The following ACVR1C variants were observed in gnomAD, a reference collection of about 807,000 sequenced individuals.
ACVR1C encodes activin A receptor type 1C.
A neutral mutation model predicts 57.9 loss-of-function variants in ACVR1C; 23 were observed. The observed-to-expected ratio is 0.40, with a 90% CI of 0.29 to 0.56. ACVR1C has a LOEUF of 0.56. Ranked by LOEUF, ACVR1C falls within the 20% of genes least tolerant of loss-of-function variation. The pLI is 0.50. For missense variants in ACVR1C, 480 were observed against 607.9 expected, an observed-to-expected ratio of 0.79 and a Z score of 2.21; for synonymous variants, 214 against 215.3, an observed-to-expected ratio of 0.99 and a Z score of 0.05.
intron 2 of ACVR1C, among the ~76,000 whole-genome samples, chr2:157,586,950 C>T (rs1688936454): frequency 2.0e-5 from 3 of 152,218 alleles, no homozygotes; most frequent in South Asian, 2.1e-4. Context: ...ATACAATTCA[C>T]GTGGACAAAT....
intron 1 of ACVR1C, among the ~76,000 whole-genome samples, chr2:157,615,194 C>T (rs576521688): frequency 2.0e-5 from 3 of 151,698 alleles, no homozygotes; most frequent in Admixed American, 1.3e-4. Flanking sequence ...CAGCTGGGCA[C>T]AGTGGTTCAT....
chr2:157,565,468 G>A (rs1043838864), intron 2 of ACVR1C, among the ~76,000 whole-genome samples: 2 of 151,896 alleles, frequency 1.3e-5, no homozygotes, highest in Non-Finnish European at 2.9e-5. Flanking sequence ...CCTCCAACAT[G>A]CTCCATTTGC....
At chr2:157,577,890 T>G (rs1487728429) in intron 2 of ACVR1C, among the ~76,000 whole-genome samples, 1 of 152,136 alleles carries the variant, frequency 6.6e-6, no homozygotes, top group African/African-American at 2.4e-5. Flanking sequence ...TGTTTTTGTT[T>G]TTGTTTTGGA....
intron 2 of ACVR1C, among the ~76,000 whole-genome samples, chr2:157,584,803 A>G (rs192581677): frequency 6.6e-6 from 1 of 152,350 alleles, no homozygotes; most frequent in Admixed American, 6.5e-5. Context: ...AGCTTTGCGA[A>G]TAACAGCCCC....
At chr2:157,613,591 T>C (rs1016550380) in intron 1 of ACVR1C, among the ~76,000 whole-genome samples, 2 of 152,202 alleles carry the variant, frequency 1.3e-5, no homozygotes, top group Non-Finnish European at 2.9e-5. Flanking sequence ...AGGTGAGTGT[T>C]GTCATCTGGT....
intron 1 of ACVR1C, among the ~76,000 whole-genome samples, chr2:157,613,985 T>G (rs1363166401): frequency 6.6e-6 from 1 of 152,180 alleles, no homozygotes. Flanking sequence ...TAATGTGAAA[T>G]TAGAGACTTT....
At chr2:157,563,718 A>G (rs1688294903) in intron 2 of ACVR1C, among the ~76,000 whole-genome samples, 1 of 152,224 alleles carries the variant, frequency 6.6e-6, no homozygotes, top group Non-Finnish European at 1.5e-5. Flanking sequence ...TTCAAACTAT[A>G]CTGCAAGGCT....
chr2:157,538,967 AAC>A (rs964247017), intron 7 of ACVR1C, among the ~76,000 whole-genome samples: 10 of 148,426 alleles, frequency 6.7e-5, no homozygotes, highest in African/African-American at 9.8e-5. Flanking sequence ...TATAATATAT[AAC>A]ACATAATTTT....
intron 1 of ACVR1C, among the ~76,000 whole-genome samples, chr2:157,605,558 C>T (rs147946514): frequency 1.3e-3 from 194 of 151,784 alleles, no homozygotes; most frequent in African/African-American, 4.4e-3. Context: ...GAATTTGTTC[C>T]ATGACTCCTG....
At chr2:157,547,907 G>C (rs567662438) in intron 4 of ACVR1C, among the ~76,000 whole-genome samples, 25 of 151,792 alleles carry the variant, frequency 1.6e-4, no homozygotes, top group East Asian at 9.7e-4. Context: ...CCTATGTCCT[G>C]AATGGTAATG....
intron 4 of ACVR1C, among the ~76,000 whole-genome samples, chr2:157,547,012 C>A (rs564164894): frequency 3.9e-4 from 55 of 142,466 alleles, no homozygotes; most frequent in African/African-American, 1.4e-3. Context: ...ATTACCCTTC[C>A]TGTGTCCATG....
chr2:157,592,618 A>G (rs1481646749), intron 1 of ACVR1C, among the ~76,000 whole-genome samples: 1 of 152,110 alleles, frequency 6.6e-6, no homozygotes, highest in African/African-American at 2.4e-5. Context: ...GTAACATACG[A>G]CATACTCAGC....
At chr2:157,537,168 T>C (rs2105201811) in intron 8 of ACVR1C, among the ~76,000 whole-genome samples, 1 of 152,170 alleles carries the variant, frequency 6.6e-6, no homozygotes, top group South Asian at 2.1e-4. Context: ...ATTCTGGATA[T>C]ATGTATATAT....
At chr2:157,585,807 TAGAG>T (rs1688908052) in intron 2 of ACVR1C, among the ~76,000 whole-genome samples, 1 of 152,062 alleles carries the variant, frequency 6.6e-6, no homozygotes, top group Non-Finnish European at 1.5e-5. Flanking sequence ...GCATCTGAGA[TAGAG>T]AGAATAAGTG....
Position 157,532,057 on chromosome 2 carries a change from A to G in ACVR1C, c.*1861T>C, listed in dbSNP as rs975198772. On this transcript the variant is annotated 3_prime_UTR_variant, in exon 9 of 9. Transcript: ENST00000243349. ...TAATAAGTGGATGAGAGCATTAACG[A>G]GTATGGAAGTACACGCAAACTCCAT... 18 of 152,244 alleles carry G rather than the reference A, an allele frequency of 1.2e-4. No homozygotes were observed. Among genetic ancestry groups the G allele is most frequent in the Admixed American group, 1.1e-3 (17 of 15,268 alleles). 9.4% of individuals were successfully genotyped at this position (152,244 alleles called of 1,614,324 possible).
rs1390778049 is a variant in ACVR1C, at chr2:157,529,814, A to T, written c.*4104T>A. The T allele has an allele frequency of 6.6e-6, 1 of 152,064 alleles. No individual in the cohort carries two copies. The highest frequency in any genetic ancestry group is 1.5e-5 in the Non-Finnish European group (1 of 67,966). The allele number at this position is 152,064 out of a possible 1,614,324, so 9.4% of individuals were successfully genotyped here. ...AAAGCAAGGCTAGATGAAAAAAAGAAAGTCAAATATCTATATATTTTCATT... is the reference window on the plus strand; with the variant it reads ...AAAGCAAGGCTAGATGAAAAAAAGATAGTCAAATATCTATATATTTTCATT... On this transcript the variant is annotated 3_prime_UTR_variant, in exon 9 of 9. Transcript: ENST00000243349.
In ACVR1C at chr2:157,550,174, C is replaced by T. The variant is rs1191679369; in HGVS notation, c.763G>A (p.Ala255Thr). 6.2e-7 allele frequency: 1 copy of T among 1,613,896 alleles called. No homozygotes were observed. Among genetic ancestry groups the T allele is most frequent in the Admixed American group, 1.7e-5 (1 of 60,002 alleles). ...RHENILGFIA[A>T]DNKDNGTWTQ... ...AGATTGGAAATACCTTTGTTGTCAG[C>T]AGCAATGAAACCAAGGATGTTTTCA... Residue 255 changes from alanine (A) to threonine (T), a missense_variant, in exon 4 of 9, where the codon GCT becomes ACT. Physicochemically the swap from Ala to Thr is moderately conservative, Grantham distance 58 (BLOSUM62 0). Coordinates refer to ENST00000243349, the MANE Select transcript of ACVR1C (RefSeq NM_145259.3).
rs370382556 is a variant in ACVR1C at position 157,539,822 on chromosome 2, C to T, written c.1226-1119G>A. Among the ~76,000 whole-genome samples the T allele has an allele frequency of 7.5e-4, 114 of 152,274 alleles. 1 individual carries two copies. Among genetic ancestry groups the T allele is most frequent in the African/African-American group, 2.6e-3 (108 of 41,556 alleles). On this transcript the variant is annotated intron_variant, in intron 7 of 8. Transcript: ENST00000243349. The stretch of plus-strand genomic sequence containing the variant: ...GTCCATGTTCGGCACCACTATAATT[C>T]TATTGCTTCTATAAACAGTTGTAGA...
chr2:157,591,389 T>C (rs542519557), intron 1 of ACVR1C, among the ~76,000 whole-genome samples: 34 of 152,062 alleles, frequency 2.2e-4, no homozygotes, highest in African/African-American at 7.7e-4. Context: ...CTCAGTGTTG[T>C]CCTCTGAAAA....
Sources: gnomAD v4.1 joint callset for allele counts (sites outside exome capture counted in the v4.1 genomes callset) on GRCh38, gnomAD v4.1.1 for gene constraint, MANE v1.5 for transcripts, NCBI Gene and HGNC (gene_info 2026-07-23, HGNC 2026-07-21) for gene names.